Variants in SNURF observed in about 807,000 individuals in gnomAD.
The protein encoded by SNURF is SNRPN upstream open reading frame, also known as SNURF protein.
SNURF carries 6 observed loss-of-function variants against 11.6 expected under a neutral mutation model. The ratio of observed to expected loss-of-function variants is 0.52; its 90% CI spans 0.28 to 1.02. The LOEUF (loss-of-function observed/expected upper bound fraction) is 1.02. Among genes scored for constraint, SNURF ranks in the 50% least tolerant of loss-of-function variants. SNURF has a pLI of 0.09. For missense variants in SNURF, 84 were observed against 88.4 expected, an observed-to-expected ratio of 0.95 and a Z score of 0.20; for synonymous variants, 29 against 31.6, an observed-to-expected ratio of 0.92 and a Z score of 0.27.
exon 3 of SNURF, chr15:24,968,047 G>T: frequency 6.2e-7 from 1 of 1,611,814 alleles, no homozygotes; most frequent in South Asian, 1.1e-5. Context: ...AAGCCATATT[G>T]GAGTAGCGAG....
intron 4 of SNURF, chr15:24,976,222 T>C (rs2077044425): frequency 9.5e-7 from 1 of 1,051,126 alleles, no homozygotes; most frequent in African/African-American, 1.6e-5. Context: ...GTTGTCTTAA[T>C]TGATACTTGA....
chr15:24,965,164 A>G (rs78751272), intron 2 of SNURF, among the ~76,000 whole-genome samples: 3,030 of 152,302 alleles, frequency 0.02, 107 homozygotes, highest in African/African-American at 0.069. Flanking sequence ...TTACCCATTC[A>G]TCTCCTACTT....
At chr15:24,964,522 G>A (rs172679) in intron 2 of SNURF, among the ~76,000 whole-genome samples, 20,529 of 152,030 alleles carry the variant, frequency 0.14, 2,488 homozygotes, top group African/African-American at 0.33. Context: ...TCGAACTCCC[G>A]ACCTCAGATG....
chr15:24,977,905 C>T, downstream of SNURF: 1 of 1,565,808 alleles, frequency 6.4e-7, no homozygotes. Context: ...GGCAGAGCAA[C>T]CCCACCTCCA....
chr15:24,963,328 C>T (rs1268141198), intron 2 of SNURF, among the ~76,000 whole-genome samples: 2 of 152,152 alleles, frequency 1.3e-5, no homozygotes, highest in Non-Finnish European at 2.9e-5. Context: ...TTTGAAAACG[C>T]AGTGTAGGCC....
At chr15:24,974,673 T>C (rs918087776) in intron 3 of SNURF, 7 of 626,890 alleles carry the variant, frequency 1.1e-5, no homozygotes, top group Non-Finnish European at 1.7e-5. Context: ...CAGTCTGGAG[T>C]GCAGTGGTGC....
chr15:24,966,827 G>T (rs1446172697), intron 2 of SNURF, among the ~76,000 whole-genome samples: 1 of 152,128 alleles, frequency 6.6e-6, no homozygotes, highest in African/African-American at 2.4e-5. Flanking sequence ...GGGCAGCATT[G>T]TTGGTGATCC....
intron 2 of SNURF, among the ~76,000 whole-genome samples, chr15:24,965,517 A>G (rs2075484744): frequency 6.6e-6 from 1 of 152,238 alleles, no homozygotes; most frequent in South Asian, 2.1e-4. Context: ...CCTGGGTGAC[A>G]TAGCAAGACT....
At chr15:24,961,858 T>C (rs1221761272) in intron 1 of SNURF, among the ~76,000 whole-genome samples, 1 of 152,288 alleles carries the variant, frequency 6.6e-6, no homozygotes, top group Admixed American at 6.5e-5. Flanking sequence ...GAGGTAGATA[T>C]ATTATTTTAA....
chr15:24,978,499 T>A, downstream of SNURF: 1 of 1,501,686 alleles, frequency 6.7e-7, no homozygotes, highest in Non-Finnish European at 9.3e-7. Flanking sequence ...CTTGTGAAAT[T>A]GTGTAGAGTG....
At chr15:24,978,563 C>T, downstream of SNURF, 1 of 923,642 alleles carries the variant, frequency 1.1e-6, no homozygotes, top group South Asian at 1.3e-5. Context: ...ATAATAAATG[C>T]ATAGAGCAAT....
At chr15:24,975,275 G>T in intron 3 of SNURF, 1 of 1,078,812 alleles carries the variant, frequency 9.3e-7, no homozygotes, top group Non-Finnish European at 1.4e-6. Context: ...CTTAGATTAT[G>T]TAAGGGTGGA....
At chr15:24,959,618 T>C (rs1039625082) in intron 1 of SNURF, among the ~76,000 whole-genome samples, 1 of 152,216 alleles carries the variant, frequency 6.6e-6, no homozygotes, top group Non-Finnish European at 1.5e-5. Context: ...AGATTAATCA[T>C]GGTTTAGTTG....
chr15:24,966,632 C>T (rs2075681633), intron 2 of SNURF, among the ~76,000 whole-genome samples: 1 of 152,110 alleles, frequency 6.6e-6, no homozygotes, highest in Non-Finnish European at 1.5e-5. Flanking sequence ...CCTAGGGACC[C>T]ACCTTGAGTA....
At chr15:24,969,211 C>G, downstream of SNURF, among the ~76,000 whole-genome samples, 1 of 152,132 alleles carries the variant, frequency 6.6e-6, no homozygotes. Flanking sequence ...TCACTGCAAC[C>G]TCTGCCTCCC....
At chr15:24,959,960 G>A (rs886961516) in intron 1 of SNURF, among the ~76,000 whole-genome samples, 12 of 152,224 alleles carry the variant, frequency 7.9e-5, no homozygotes, top group African/African-American at 2.9e-4. Context: ...AAGGCTGCAG[G>A]TATAATAGAA....
rs1195994208 is a variant in SNURF, at chr15:24,964,188, C to T, written c.110+1979C>T. On this transcript the variant is annotated intron_variant, in intron 2 of 2. Transcript: ENST00000577949. Reference sequence around the variant, plus strand: ...CATTTTTTAAAATTGCTTTGGAAGACGTATTTTATGTACGTTTTGTTTGTA... The same window carrying T: ...CATTTTTTAAAATTGCTTTGGAAGATGTATTTTATGTACGTTTTGTTTGTA... Among the ~76,000 whole-genome samples the T allele has an allele frequency of 2.6e-5, 4 of 151,568 alleles. No individual in the cohort carries two copies. In the South Asian group the frequency reaches 6.2e-4, roughly 24 times the overall value.
Position 24,958,486 on chromosome 15 carries a change from GTTTTTTTTTTTTTTTTTTTT to G in SNURF, c.14+3439_14+3458del, listed in dbSNP as rs71127030. Among the ~76,000 whole-genome samples, 5 of 65,284 alleles carry G rather than the reference GTTTTTTTTTTTTTTTTTTTT, an allele frequency of 7.7e-5. No homozygotes were observed. In the East Asian group the frequency reaches 1.6e-3, roughly 20 times the overall value. The allele number at this position is 65,284 out of a possible 152,430, so 42.8% of individuals were successfully genotyped here. A position where few individuals can be genotyped will look rare whatever the true frequency, so the allele number is the denominator to read the frequency against. ...ATTTCTGGATGCTAGCTGGCTCAAAGTTTTTTTTTTTTTTTTTTTTTTTTTTTTTTTTTTAAATAGACCAG... is the reference window on the plus strand; with the variant it reads ...ATTTCTGGATGCTAGCTGGCTCAAAGTTTTTTTTTTTTTTAAATAGACCAG... On this transcript the variant is annotated intron_variant, in intron 1 of 2. Coordinates refer to ENST00000577949, the Ensembl canonical transcript of SNURF.
intron 3 of SNURF, chr15:24,974,344 T>G (rs190439178): frequency 9.3e-6 from 9 of 968,452 alleles, no homozygotes; most frequent in Middle Eastern, 2.1e-4. Context: ...CTGCCCAGCT[T>G]GCATTGTTTC....
Sources: allele counts gnomAD v4.1 joint callset (sites outside exome capture counted in the v4.1 genomes callset), GRCh38; gene constraint gnomAD v4.1.1; transcripts MANE v1.5; gene names NCBI Gene and HGNC (gene_info 2026-07-23, HGNC 2026-07-21).